Variants in ZHX2 observed in about 807,000 individuals in gnomAD.
ZHX2 encodes the protein zinc fingers and homeoboxes protein 2.
ZHX2 carries 6 observed loss-of-function variants against 21.9 expected under a neutral mutation model. The observed-to-expected ratio is 0.27, with a 90% CI of 0.15 to 0.54. The LOEUF (loss-of-function observed/expected upper bound fraction) is 0.54. Ranked by LOEUF, ZHX2 falls within the 20% of genes least tolerant of loss-of-function variation. The probability of loss-of-function intolerance (pLI) is 0.95; values close to 1 mark genes in which losing one functional copy is unlikely to be tolerated. For synonymous variants in ZHX2, 434 were observed against 437.1 expected (o/e 0.99, Z 0.09); for missense variants, 908 against 1,090.7 (o/e 0.83, Z 2.36).
intron 2 of ZHX2, among the ~76,000 whole-genome samples, chr8:122,870,907 C>T (rs1819416938): frequency 6.6e-6 from 1 of 152,142 alleles, no homozygotes; most frequent in Admixed American, 6.5e-5. Flanking sequence ...GAGTGAGCCT[C>T]AGGTTCCTGG....
intron 2 of ZHX2, among the ~76,000 whole-genome samples, chr8:122,913,371 C>T (rs777362100): frequency 6.6e-6 from 1 of 152,168 alleles, no homozygotes; most frequent in Non-Finnish European, 1.5e-5. Context: ...CAGATTTCAA[C>T]TCAATTTTAC....
At chr8:122,805,787 A>G (rs144443260) in intron 1 of ZHX2, among the ~76,000 whole-genome samples, 224 of 152,120 alleles carry the variant, frequency 1.5e-3, no homozygotes, top group African/African-American at 5.0e-3. Flanking sequence ...CATCACTAGG[A>G]CCCAGACTCA....
At chr8:122,962,033 G>C (rs1813464927) in intron 3 of ZHX2, among the ~76,000 whole-genome samples, 1 of 152,110 alleles carries the variant, frequency 6.6e-6, no homozygotes, top group South Asian at 2.1e-4. Flanking sequence ...GGGGTGTCTG[G>C]GGCTGTGACA....
At chr8:122,872,287 A>C (rs758505347) in intron 2 of ZHX2, among the ~76,000 whole-genome samples, 12 of 152,184 alleles carry the variant, frequency 7.9e-5, no homozygotes, top group Non-Finnish European at 1.3e-4. Flanking sequence ...CGGTAGCTCC[A>C]TCAGTTCACA....
chr8:122,848,818 T>A (rs549884840), intron 1 of ZHX2, among the ~76,000 whole-genome samples: 167 of 152,350 alleles, frequency 1.1e-3, no homozygotes, highest in Admixed American at 3.8e-3. Flanking sequence ...TCCTCCGATC[T>A]CGGTCCTCAT....
chr8:122,820,391 G>A (rs1462889943), intron 1 of ZHX2, among the ~76,000 whole-genome samples: 2 of 152,338 alleles, frequency 1.3e-5, no homozygotes, highest in South Asian at 4.1e-4. Context: ...GGGAATGTGG[G>A]CCTCTGGCAG....
chr8:122,867,696 A>G (rs898544955), intron 2 of ZHX2, among the ~76,000 whole-genome samples: 2 of 152,204 alleles, frequency 1.3e-5, no homozygotes, highest in African/African-American at 4.8e-5. Flanking sequence ...GGGAAATAAT[A>G]CATCTCACAG....
chr8:122,844,341 T>C (rs1234854167), intron 1 of ZHX2, among the ~76,000 whole-genome samples: 1 of 152,270 alleles, frequency 6.6e-6, no homozygotes, highest in Non-Finnish European at 1.5e-5. Context: ...CAATTGGTGT[T>C]GAAACTTGAC....
At chr8:122,939,214 A>ATCCC (rs1164051566) in intron 2 of ZHX2, among the ~76,000 whole-genome samples, 1 of 152,182 alleles carries the variant, frequency 6.6e-6, no homozygotes, top group Non-Finnish European at 1.5e-5. Flanking sequence ...CCCATGTTAC[A>ATCCC]AATGGAAAGG....
At chr8:122,896,047 G>A (rs1249910440) in intron 2 of ZHX2, among the ~76,000 whole-genome samples, 1 of 152,070 alleles carries the variant, frequency 6.6e-6, no homozygotes, top group African/African-American at 2.4e-5. Context: ...TGACAGGAGG[G>A]GCTGATGGCA....
chr8:122,868,058 C>T (rs1819340447), intron 2 of ZHX2, among the ~76,000 whole-genome samples: 1 of 152,122 alleles, frequency 6.6e-6, no homozygotes, highest in Admixed American at 6.5e-5. Flanking sequence ...TGCATGTGGA[C>T]GAATGTCTTT....
chr8:122,865,100 G>A (rs1819256560), intron 2 of ZHX2, among the ~76,000 whole-genome samples: 1 of 151,998 alleles, frequency 6.6e-6, no homozygotes. Context: ...AAAGGAGGGA[G>A]AGGAGAGGAC....
chr8:122,814,793 A>T (rs1817998137), intron 1 of ZHX2, among the ~76,000 whole-genome samples: 1 of 152,230 alleles, frequency 6.6e-6, no homozygotes, highest in African/African-American at 2.4e-5. Flanking sequence ...AGTTAGCATT[A>T]GTTGGGGTAC....
intron 3 of ZHX2, among the ~76,000 whole-genome samples, chr8:122,972,879 T>C (rs1024072875): frequency 5.3e-5 from 8 of 152,126 alleles, no homozygotes; most frequent in African/African-American, 1.4e-4. Flanking sequence ...TTTGTCTGAC[T>C]CCAGGGCCTT....
intron 3 of ZHX2, among the ~76,000 whole-genome samples, chr8:122,959,828 C>G (rs774260614): frequency 2.6e-5 from 4 of 152,128 alleles, no homozygotes; most frequent in Non-Finnish European, 4.4e-5. Context: ...TAACTGATAC[C>G]ACTTCCACTT....
rs577299391 is a variant in ZHX2 at position 122,893,166 on chromosome 8, C to T, written c.-220+29627C>T. Among the ~76,000 whole-genome samples the T allele has an allele frequency of 2.6e-4, 40 of 152,226 alleles. No homozygotes were observed. In the South Asian group the frequency reaches 8.3e-3, roughly 32 times the overall value. ...CTTTGATTACATAATCTCATTCTCT[C>T]CTGCTCTGTGAGGTTTTGGCTGAAA... On this transcript the variant is annotated intron_variant, in intron 2 of 3. Coordinates refer to ENST00000314393, the MANE Select transcript of ZHX2 (RefSeq NM_014943.5).
chr8:122,916,846 C>T (rs904639108), intron 2 of ZHX2, among the ~76,000 whole-genome samples: 1 of 151,990 alleles, frequency 6.6e-6, no homozygotes, highest in South Asian at 2.1e-4. Context: ...CTTCTGGCTT[C>T]GTCTCCTGCC....
At position 122,951,378 on chromosome 8, in the gene ZHX2, C is replaced by A. The variant is rs1384118969; in HGVS notation, c.-133C>A. The A allele has an allele frequency of 5.2e-6, 4 of 766,578 alleles. No homozygotes were observed. The highest frequency in any genetic ancestry group is 8.2e-6 in the Non-Finnish European group (4 of 486,800). 47.5% of individuals were successfully genotyped at this position (766,578 alleles called of 1,614,324 possible). A position where few individuals can be genotyped will look rare whatever the true frequency, so the allele number is the denominator to read the frequency against. ...TTCTGAAAACTCAAACAGTAGACTT[C>A]AGCACACAAGGAAAGCCAAAGCCAT... On this transcript the variant is annotated 5_prime_UTR_variant, in exon 3 of 4. Coordinates refer to ENST00000314393, the MANE Select transcript of ZHX2 (RefSeq NM_014943.5).
intron 2 of ZHX2, among the ~76,000 whole-genome samples, chr8:122,865,604 C>T (rs1005708208): frequency 2.0e-5 from 3 of 152,162 alleles, no homozygotes; most frequent in African/African-American, 4.8e-5. Context: ...GTCAGAATGC[C>T]GGATTCCCAT....
Sources: gnomAD v4.1 joint callset for allele counts (sites outside exome capture counted in the v4.1 genomes callset) on GRCh38, gnomAD v4.1.1 for gene constraint, MANE v1.5 for transcripts, NCBI Gene and HGNC (gene_info 2026-07-23, HGNC 2026-07-21) for gene names.